Variants in PANX1 observed in about 807,000 individuals in gnomAD.
The protein encoded by PANX1 is pannexin-1.
In PANX1, 30 loss-of-function variants were observed where a neutral mutation model predicts 38.7. The observed-to-expected ratio is 0.78, with a 90% CI of 0.58 to 1.05. The LOEUF is 1.05. PANX1 is among the 50% of genes least tolerant of loss of function. The pLI is 0.00. For missense variants in PANX1, 551 were observed against 517.2 expected (o/e 1.07, Z -0.63); for synonymous variants, 230 against 212.2 (o/e 1.08, Z -0.73).
intron 1 of PANX1, among the ~76,000 whole-genome samples, chr11:94,141,245 T>A (rs1465122823): frequency 1.3e-5 from 2 of 152,246 alleles, no homozygotes; most frequent in African/African-American, 4.8e-5. Context: ...AATACCAGTT[T>A]ACACTCCCAT....
chr11:94,165,678 A>AG (rs1947095164), intron 2 of PANX1, among the ~76,000 whole-genome samples: 1 of 152,192 alleles, frequency 6.6e-6, no homozygotes, highest in African/African-American at 2.4e-5. Flanking sequence ...TGGGAGGCCA[A>AG]GGCAGGCAGA....
At chr11:94,158,656 A>G (rs1946984108) in intron 2 of PANX1, among the ~76,000 whole-genome samples, 1 of 152,108 alleles carries the variant, frequency 6.6e-6, no homozygotes, top group Non-Finnish European at 1.5e-5. Flanking sequence ...GGGCTGAGAC[A>G]ATGGGGTTTT....
At chr11:94,159,620 T>C (rs1946997373) in intron 2 of PANX1, among the ~76,000 whole-genome samples, 1 of 152,068 alleles carries the variant, frequency 6.6e-6, no homozygotes, top group South Asian at 2.1e-4. Flanking sequence ...TCTTCTCTCT[T>C]TTCTTTATTA....
intron 2 of PANX1, among the ~76,000 whole-genome samples, chr11:94,164,601 A>G (rs1022544233): frequency 6.6e-6 from 1 of 152,240 alleles, no homozygotes; most frequent in Admixed American, 6.5e-5. Flanking sequence ...TTTGTGGCCT[A>G]ACATGTGGTC....
chr11:94,130,474 C>G (rs1396437498), intron 1 of PANX1, among the ~76,000 whole-genome samples: 2 of 152,154 alleles, frequency 1.3e-5, no homozygotes, highest in Non-Finnish European at 2.9e-5. Flanking sequence ...GGGCCTGGGT[C>G]AGCCTGGAAC....
intron 2 of PANX1, chr11:94,176,020 C>G (rs1225334282): frequency 1.2e-5 from 5 of 411,220 alleles, no homozygotes; most frequent in Non-Finnish European, 1.6e-5. Context: ...TATATGACAG[C>G]TTTATTTTTT....
intron 2 of PANX1, among the ~76,000 whole-genome samples, chr11:94,167,479 G>A (rs1260273498): frequency 1.3e-5 from 2 of 152,002 alleles, no homozygotes; most frequent in African/African-American, 4.8e-5. Context: ...TTCTTGCTCA[G>A]GTTTTTCACA....
intron 1 of PANX1, among the ~76,000 whole-genome samples, chr11:94,130,466 G>A (rs1225273025): frequency 6.6e-6 from 1 of 152,136 alleles, no homozygotes; most frequent in Non-Finnish European, 1.5e-5. Flanking sequence ...GTGAATATGG[G>A]CCTGGGTCAG....
At position 94,173,193 on chromosome 11, in the gene PANX1, A is replaced by G. The variant is rs140757126; in HGVS notation, c.322-5176A>G. 9.2e-5 allele frequency among the ~76,000 whole-genome samples: 14 copies of G among 151,714 alleles called. No homozygotes were observed. The South Asian group carries it at 1.2e-3, about 14-fold the overall frequency. On this transcript the variant is annotated intron_variant, in intron 2 of 4. Transcript: ENST00000227638. ...GATGTTCTTGGTTTACCTACTTCCT[A>G]CTTTCTGACTGCTTTTCTCCATTTC...
intron 1 of PANX1, among the ~76,000 whole-genome samples, chr11:94,139,954 A>G (rs1283927610): frequency 1.3e-5 from 2 of 152,240 alleles, no homozygotes; most frequent in African/African-American, 4.8e-5. Context: ...AATGAACCAT[A>G]GGAAGGGGTT....
Position 94,162,871 on chromosome 11 carries a change from C to CT in PANX1, c.321+9259dup, listed in dbSNP as rs59182320. Among the ~76,000 whole-genome samples, 627 of 107,430 alleles carry CT rather than the reference C, an allele frequency of 5.8e-3. 29 individuals carry two copies. In the East Asian group the frequency reaches 0.095, roughly 16 times the overall value. 70.5% of individuals were successfully genotyped at this position (107,430 alleles called of 152,430 possible). A position where few individuals can be genotyped will look rare whatever the true frequency, so the allele number is the denominator to read the frequency against. ...GGCCATCTTGGCTCCACCAACCTCT[C>CT]TTTTTTTTTTTTTTTTTTGAGACAG... is the stretch of plus-strand genomic sequence containing the variant. On this transcript the variant is annotated intron_variant, in intron 2 of 4. Transcript: ENST00000227638.
chr11:94,135,225 G>A (rs1041209511), intron 1 of PANX1, among the ~76,000 whole-genome samples: 1 of 152,216 alleles, frequency 6.6e-6, no homozygotes, highest in African/African-American at 2.4e-5. Flanking sequence ...CTCTTAGTGG[G>A]CAGCCACCGT....
chr11:94,175,983 G>C, intron 2 of PANX1: 1 of 696,038 alleles, frequency 1.4e-6, no homozygotes. Context: ...GATAGTGACA[G>C]GAGGCCTGCA....
chr11:94,159,171 T>G (rs928036665), intron 2 of PANX1, among the ~76,000 whole-genome samples: 3 of 152,172 alleles, frequency 2.0e-5, no homozygotes, highest in African/African-American at 7.2e-5. Context: ...TTGAGGATTT[T>G]TGCGTCGATG....
intron 2 of PANX1, among the ~76,000 whole-genome samples, chr11:94,176,104 C>G (rs947400994): frequency 6.6e-6 from 1 of 151,566 alleles, no homozygotes; most frequent in Admixed American, 6.6e-5. Flanking sequence ...ATTAGCAGTA[C>G]CTGTGAGTTT....
chr11:94,131,604 G>C (rs190742901), intron 1 of PANX1, among the ~76,000 whole-genome samples: 1 of 152,336 alleles, frequency 6.6e-6, no homozygotes, highest in Non-Finnish European at 1.5e-5. Flanking sequence ...TGGGTGAGGA[G>C]CTGTCAAGCA....
At chr11:94,149,163 G>A (rs761658979) in intron 1 of PANX1, among the ~76,000 whole-genome samples, 15 of 152,192 alleles carry the variant, frequency 9.9e-5, no homozygotes, top group Non-Finnish European at 1.5e-4. Context: ...AATGGGGGGC[G>A]TAGATCATAG....
At chr11:94,168,863 C>T (rs1947132267) in intron 2 of PANX1, among the ~76,000 whole-genome samples, 1 of 151,370 alleles carries the variant, frequency 6.6e-6, no homozygotes. Flanking sequence ...TTCTAAGATA[C>T]GGAAGTAACA....
At chr11:94,168,249 C>T (rs950872943) in intron 2 of PANX1, among the ~76,000 whole-genome samples, 2 of 152,030 alleles carry the variant, frequency 1.3e-5, no homozygotes, top group African/African-American at 2.4e-5. Flanking sequence ...CTGGGGGAGG[C>T]GTGGCCTGTT....
Sources: gnomAD v4.1 joint callset for allele counts (sites outside exome capture counted in the v4.1 genomes callset) on GRCh38, gnomAD v4.1.1 for gene constraint, MANE v1.5 for transcripts, NCBI Gene and HGNC (gene_info 2026-07-23, HGNC 2026-07-21) for gene names.